Variants in PPP1R10 observed in about 807,000 individuals in gnomAD.
PPP1R10 encodes protein phosphatase 1 regulatory subunit 10.
A neutral mutation model predicts 99.0 loss-of-function variants in PPP1R10; 15 were observed. That is an observed-to-expected ratio of 0.15 (90% CI 0.10 to 0.23). The LOEUF is 0.23. Among genes scored for constraint, PPP1R10 ranks in the 10% least tolerant of loss-of-function variants. The pLI is 1.00. For synonymous variants in PPP1R10, 430 were observed against 449.5 expected (o/e 0.96, Z 0.55); for missense variants, 947 against 1,259.4 (o/e 0.75, Z 3.75).
In PPP1R10 at chr6:30,603,214, C is replaced by T; in HGVS notation, c.1839G>A (p.Met613Ile). Reference sequence around the variant, plus strand: ...GGGGCTGGCCCTGAAGATTACCCAGCATCTGCTTGATCTTGTCCGAATAGT... The same window carrying T: ...GGGGCTGGCCCTGAAGATTACCCAGTATCTGCTTGATCTTGTCCGAATAGT... ...QPDYSDKIKQ[M>I]LVPHGLLGPG... is the part of the protein sequence containing the mutation. Residue 613 changes from methionine to isoleucine, a missense_variant, in exon 17 of 20, where the codon ATG becomes ATA. Transcript: ENST00000376511. 4 of 1,612,200 alleles carry T rather than the reference C, an allele frequency of 2.5e-6. No individual in the cohort carries two copies. Among genetic ancestry groups the T allele is most frequent in the Non-Finnish European group, 3.4e-6 (4 of 1,178,256 alleles).
At chr6:30,614,533 T>C (rs1804885764) in intron 2 of PPP1R10, 1 of 152,032 alleles carries the variant, frequency 6.6e-6, no homozygotes, top group Non-Finnish European at 1.5e-5. Context: ...TAGAAGAAAG[T>C]CCTAAAAGTA....
rs773657130 is a variant in PPP1R10 at position 30,604,766 on chromosome 6, T to G, written c.955-31A>C. 2 of 1,612,562 alleles carry G rather than the reference T, an allele frequency of 1.2e-6. No homozygotes were observed. Among genetic ancestry groups the G allele is most frequent in the Non-Finnish European group, 1.7e-6 (2 of 1,179,920 alleles). On this transcript the variant is annotated intron_variant, in intron 11 of 19. Coordinates refer to ENST00000376511, the MANE Select transcript of PPP1R10 (RefSeq NM_002714.4). The surrounding 1 kb of genome is among the most constrained non-coding windows in gnomAD (Gnocchi z 7.3). ...GTGAAAGAAAAGGAAGTTAATGAACTGACTGGAAAGCCAAGGGCAAGGCAA... is the reference window on the plus strand; with the variant it reads ...GTGAAAGAAAAGGAAGTTAATGAACGGACTGGAAAGCCAAGGGCAAGGCAA...
Position 30,606,919 on chromosome 6 carries a change from A to T in PPP1R10, c.383-63T>A, listed in dbSNP as rs1034234852. The T allele has an allele frequency of 1.4e-6, 2 of 1,417,394 alleles. No individual in the cohort carries two copies. Among genetic ancestry groups the T allele is most frequent in the African/African-American group, 2.9e-5 (2 of 69,968 alleles). The allele number at this position is 1,417,394 out of a possible 1,614,324, so 87.8% of individuals were successfully genotyped here. On this transcript the variant is annotated intron_variant, in intron 6 of 19. Transcript: ENST00000376511. This position sits in a 1 kb window ranked among gnomAD's most constrained non-coding sequence, Gnocchi z 6.3. The stretch of plus-strand genomic sequence containing the variant: ...AAAGTAACATTCTTCCAGGAACAGA[A>T]AATGGGAGGTTTGAGAAAATATTGT...
At position 30,602,382 on chromosome 6, in the gene PPP1R10, C is replaced by A. The variant is rs1317565452; in HGVS notation, c.2267G>T (p.Gly756Val). 1 of 1,612,908 alleles carries A rather than the reference C, an allele frequency of 6.2e-7. No individual in the cohort carries two copies. The highest frequency in any genetic ancestry group is 8.5e-7 in the Non-Finnish European group (1 of 1,179,920). Residue 756 changes from glycine (G) to valine (V), a missense_variant, in exon 19 of 20, where the codon GGC (glycine) becomes GTC (valine). Transcript: ENST00000376511. The surrounding 1 kb of genome is among the most constrained non-coding windows in gnomAD (Gnocchi z 6.7). ...GCTGTTGCCCATGCCCCCACCAGGG[C>A]CTTCGTGAGGACGATGCCCACCACC... ...VGGGGHRPHEGPGGGMGNSSG... is the reference protein window; with the variant it reads ...VGGGGHRPHEVPGGGMGNSSG...
In PPP1R10 at chr6:30,602,999, A is replaced by G. The variant is rs1429590203; in HGVS notation, c.1844-40T>C. ...AAGAGTAACACAGCATGAGCACTCT[A>G]GAAGACTAGCATGATCTCCCATTTA... is the stretch of plus-strand genomic sequence containing the variant. On this transcript the variant is annotated intron_variant, in intron 17 of 19. Transcript: ENST00000376511. The surrounding 1 kb of genome is among the most constrained non-coding windows in gnomAD (Gnocchi z 6.7). The G allele has an allele frequency of 1.1e-5, 17 of 1,487,086 alleles. No homozygotes were observed. Among genetic ancestry groups the G allele is most frequent in the Non-Finnish European group, 1.5e-5 (17 of 1,102,862 alleles). The allele number at this position is 1,487,086 out of a possible 1,614,324, so 92.1% of individuals were successfully genotyped here.
rs762973719 is a variant in PPP1R10 at position 30,609,341 on chromosome 6, G to C, written c.108-178C>G. Among the ~76,000 whole-genome samples, 2 of 152,090 alleles carry C rather than the reference G, an allele frequency of 1.3e-5. No homozygotes were observed. Among genetic ancestry groups the C allele is most frequent in the Non-Finnish European group, 2.9e-5 (2 of 67,998 alleles). On this transcript the variant is annotated intron_variant, in intron 3 of 19. Coordinates refer to ENST00000376511, the MANE Select transcript of PPP1R10 (RefSeq NM_002714.4). This position sits in a 1 kb window ranked among gnomAD's most constrained non-coding sequence, Gnocchi z 4.5. ...ATCCAGTGTGACATGGAAACTTATGGGAGAACAGAGACACCGCAGTCTCTG... is the reference window on the plus strand; with the variant it reads ...ATCCAGTGTGACATGGAAACTTATGCGAGAACAGAGACACCGCAGTCTCTG...
rs760161374 is a variant in PPP1R10, at chr6:30,604,336, A to C, written c.1261+17T>G. ...AATCCCTTAAACACACCTATTACGTAGGAAATGACCTCTTACCTCGTTCAG... is the reference window on the plus strand; with the variant it reads ...AATCCCTTAAACACACCTATTACGTCGGAAATGACCTCTTACCTCGTTCAG... On this transcript the variant is annotated intron_variant, in intron 13 of 19. Coordinates refer to ENST00000376511, the MANE Select transcript of PPP1R10 (RefSeq NM_002714.4). This position sits in a 1 kb window ranked among gnomAD's most constrained non-coding sequence, Gnocchi z 7.3. 1 of 1,614,064 alleles carries C rather than the reference A, an allele frequency of 6.2e-7. No individual in the cohort carries two copies. The highest frequency in any genetic ancestry group is 8.5e-7 in the Non-Finnish European group (1 of 1,180,020).
chr6:30,604,712 C>T lies in PPP1R10; in HGVS notation c.978G>A (p.Thr326=), dbSNP rs781207866. 3.1e-6 allele frequency: 5 copies of T among 1,613,028 alleles called. No individual in the cohort carries two copies. Among genetic ancestry groups the T allele is most frequent in the African/African-American group, 1.3e-5 (1 of 75,012 alleles). ...GTTTGGCTGTGCTTGGTTCTGTGCT[C>T]GTTTTCCCTTCAAAGGGGCTTGGCT... ...AAKPSPFEGK[T]STEPSTAKPS... is the part of the protein sequence containing the mutation. Residue 326 remains threonine (T), a synonymous_variant, in exon 12 of 20, where the codon ACG becomes ACA. Coordinates refer to ENST00000376511, the MANE Select transcript of PPP1R10 (RefSeq NM_002714.4). The surrounding 1 kb of genome is among the most constrained non-coding windows in gnomAD (Gnocchi z 7.3).
rs1370978210 is a variant in PPP1R10, at chr6:30,609,009, AC to A, written c.194+67del. 1 of 1,610,640 alleles carries A rather than the reference AC, an allele frequency of 6.2e-7. No homozygotes were observed. Among genetic ancestry groups the A allele is most frequent in the Non-Finnish European group, 8.5e-7 (1 of 1,177,174 alleles). Reference sequence around the variant, plus strand: ...CCAGTCTCCCATCAATGACCGAGGAACCCCATGCCTCACCGCCCCATCTTTT... The same window carrying A: ...CCAGTCTCCCATCAATGACCGAGGAACCCATGCCTCACCGCCCCATCTTTT... On this transcript the variant is annotated intron_variant, in intron 4 of 19. Coordinates refer to ENST00000376511, the MANE Select transcript of PPP1R10 (RefSeq NM_002714.4). This position sits in a 1 kb window ranked among gnomAD's most constrained non-coding sequence, Gnocchi z 4.5.
rs1489906756 is a variant in PPP1R10 at position 30,602,689 on chromosome 6, G to A, written c.1960C>T (p.Pro654Ser). The change falls in exon 19 of 20, where the codon CCC (proline) becomes TCC (serine). Residue 654 changes from proline (P) to serine (S), a missense_variant and splice_region_variant. Pro to Ser is a moderately conservative substitution (Grantham distance 74). This residue lies in a region of PPP1R10 where 525 missense variants were observed against 578.8 expected (regional missense o/e 0.91). Coordinates refer to ENST00000376511, the MANE Select transcript of PPP1R10 (RefSeq NM_002714.4). The surrounding 1 kb of genome is among the most constrained non-coding windows in gnomAD (Gnocchi z 6.7). Reference sequence around the variant, plus strand: ...ACTGGCCCACCAGGGCCTCCATGGGGACCTGTAAGGGGACAAAAAAGAGAG... The same window carrying A: ...ACTGGCCCACCAGGGCCTCCATGGGAACCTGTAAGGGGACAAAAAAGAGAG... Reference protein sequence around the residue: ...PPGPGGPMPGPHGGPGGPVGP... With the variant: ...PPGPGGPMPGSHGGPGGPVGP... The A allele has an allele frequency of 6.2e-7, 1 of 1,604,476 alleles. No homozygotes were observed. Among genetic ancestry groups the A allele is most frequent in the East Asian group, 2.2e-5 (1 of 44,714 alleles).
intron 15 of PPP1R10, 53 bp downstream of exon 15, chr6:30,603,727 G>A: frequency 6.5e-7 from 1 of 1,546,610 alleles, no homozygotes; most frequent in African/African-American, 1.4e-5. Flanking sequence ...TATGAAAGAT[G>A]CACCGAATTC....
At chr6:30,613,682 G>A (rs1804782739) in intron 2 of PPP1R10, among the ~76,000 whole-genome samples, 1 of 152,136 alleles carries the variant, frequency 6.6e-6, no homozygotes, top group Admixed American at 6.5e-5. Flanking sequence ...CAAGGATCAG[G>A]TTTTCCAAGA....
Position 30,604,430 on chromosome 6 carries a change from T to C in PPP1R10, c.1184A>G (p.Lys395Arg). The C allele has an allele frequency of 1.2e-6, 2 of 1,613,430 alleles. No homozygotes were observed. The highest frequency in any genetic ancestry group is 1.7e-6 in the Non-Finnish European group (2 of 1,180,022). ...DPNQLTRKGR[K>R]RKSVTWPEEG... ...CTCAGGCCATGTCACACTTTTCCTC[T>C]TCCTGCCTTTCCGGGTCAGTTGGTT... The change falls in exon 13 of 20, where the codon AAG becomes AGG. Residue 395 changes from lysine to arginine, a missense_variant. Lys to Arg is a conservative substitution (Grantham distance 26). Around this residue, in one of 10 missense-constraint regions of PPP1R10, gnomAD observed 100 missense variants for 105.8 expected, o/e 0.94. Transcript: ENST00000376511. This position sits in a 1 kb window ranked among gnomAD's most constrained non-coding sequence, Gnocchi z 7.3.
chr6:30,609,474 G>C lies in PPP1R10; in HGVS notation c.108-311C>G, dbSNP rs1295862641. Among the ~76,000 whole-genome samples the C allele has an allele frequency of 6.6e-6, 1 of 152,132 alleles. No homozygotes were observed. Among genetic ancestry groups the C allele is most frequent in the Non-Finnish European group, 1.5e-5 (1 of 68,026 alleles). The stretch of plus-strand genomic sequence containing the variant: ...CAACTGTCCCTAATAGTCTGTTCAA[G>C]ACTGGCTTAGTTATTTACTCTCCCC... On this transcript the variant is annotated intron_variant, in intron 3 of 19. Coordinates refer to ENST00000376511, the MANE Select transcript of PPP1R10 (RefSeq NM_002714.4). The surrounding 1 kb of genome is among the most constrained non-coding windows in gnomAD (Gnocchi z 4.5).
intron 5 of PPP1R10, 115 bp from the exon 6 acceptor site, chr6:30,608,006 T>TTTA: frequency 9.2e-7 from 1 of 1,082,418 alleles, no homozygotes; most frequent in African/African-American, 1.6e-5. Context: ...TTTTATTTTT[T>TTTA]GAGACGGAGT....
At chr6:30,605,219 CAA>C in intron 10 of PPP1R10, 125 bp from the exon 11 acceptor site, 1 of 753,046 alleles carries the variant, frequency 1.3e-6, no homozygotes. Flanking sequence ...ACGATAAGCT[CAA>C]GAGGACCAGG....
chr6:30,601,531 AG>A lies in PPP1R10; in HGVS notation c.*17del. 1.9e-6 allele frequency: 3 copies of A among 1,605,466 alleles called. No individual in the cohort carries two copies. Among genetic ancestry groups the A allele is most frequent in the Non-Finnish European group, 2.6e-6 (3 of 1,172,442 alleles). ...TGCAGTCCACAGGGGTTGTGTGAAC[AG>A]GGCAGGCAAATGGTCCCTAGGGCAG... On this transcript the variant is annotated 3_prime_UTR_variant, in exon 20 of 20. Transcript: ENST00000376511.
At position 30,602,486 on chromosome 6, in the gene PPP1R10, T is replaced by C. The variant is rs1294466589; in HGVS notation, c.2163A>G (p.Pro721=). 1.9e-6 allele frequency: 3 copies of C among 1,581,244 alleles called. No individual in the cohort carries two copies. The Admixed American group carries it at 5.3e-5, about 28-fold the overall frequency. ...AGCGACCTCCTCTGGCGCCTCGGAATGGAGGAGGAGGAGGAGGAGGTTCGT... is the reference window on the plus strand; with the variant it reads ...AGCGACCTCCTCTGGCGCCTCGGAACGGAGGAGGAGGAGGAGGAGGTTCGT... The part of the protein sequence containing the change: ...GGNEPPPPPP[P]FRGARGGRSG... Residue 721 remains proline, a synonymous_variant, in exon 19 of 20, where the codon CCA becomes CCG. Transcript: ENST00000376511. This position sits in a 1 kb window ranked among gnomAD's most constrained non-coding sequence, Gnocchi z 6.7.
In PPP1R10 at chr6:30,602,823, C is replaced by A; in HGVS notation, c.1957+23G>T. On this transcript the variant is annotated intron_variant, in intron 18 of 19. Transcript: ENST00000376511. This position sits in a 1 kb window ranked among gnomAD's most constrained non-coding sequence, Gnocchi z 6.7. ...CTGAAATTAAGCAGATAAGCCCATT[C>A]CAACCTTTTACTCACCACCTACCTG... The A allele has an allele frequency of 1.9e-6, 3 of 1,549,134 alleles. No homozygotes were observed. The highest frequency in any genetic ancestry group is 1.7e-6 in the Non-Finnish European group (2 of 1,143,554).
Sources: allele counts gnomAD v4.1 joint callset (sites outside exome capture counted in the v4.1 genomes callset), GRCh38; gene constraint gnomAD v4.1.1; regional missense constraint gnomAD v4.1.1; non-coding constraint Gnocchi (gnomAD v3.1); transcripts MANE v1.5; gene names NCBI Gene and HGNC (gene_info 2026-07-23, HGNC 2026-07-21).